PDE3A: variants seen among roughly 807,000 people sequenced by gnomAD.
The protein encoded by PDE3A is cGMP-inhibited 3',5'-cyclic phosphodiesterase 3A.
A neutral mutation model predicts 98.3 loss-of-function variants in PDE3A; 43 were observed. The observed-to-expected ratio is 0.44, with a 90% CI of 0.34 to 0.56. The LOEUF (loss-of-function observed/expected upper bound fraction) is 0.56, where lower values mean the gene tolerates loss of function less well. PDE3A is among the 20% of genes least tolerant of loss of function. The probability of loss-of-function intolerance (pLI) is 0.01; values close to 1 mark genes in which losing one functional copy is unlikely to be tolerated. For missense variants in PDE3A, 1,427 were observed against 1,440.7 expected, an observed-to-expected ratio of 0.99 and a Z score of 0.15; for synonymous variants, 663 against 567.9, an observed-to-expected ratio of 1.17 and a Z score of -2.38.
At chr12:20,478,778 G>A (rs573551197) in intron 1 of PDE3A, among the ~76,000 whole-genome samples, 4 of 152,190 alleles carry the variant, frequency 2.6e-5, no homozygotes, top group African/African-American at 9.6e-5. Context: ...TATTTTATGG[G>A]CTGTATTTCA....
intron 2 of PDE3A, among the ~76,000 whole-genome samples, chr12:20,578,481 A>G (rs893600038): frequency 1.1e-4 from 7 of 61,616 alleles, no homozygotes; most frequent in Admixed American, 1.0e-3. Context: ...TAATACACAC[A>G]CACACACACA....
intron 1 of PDE3A, among the ~76,000 whole-genome samples, chr12:20,403,423 G>GTCTTATTTA (rs1020860252): frequency 7.2e-5 from 11 of 152,228 alleles, no homozygotes; most frequent in Admixed American, 7.2e-4. Context: ...CAGGTTAATA[G>GTCTTATTTA]TCTTATTTAT....
At chr12:20,538,015 GA>G (rs1363818829) in intron 1 of PDE3A, among the ~76,000 whole-genome samples, 1 of 152,114 alleles carries the variant, frequency 6.6e-6, no homozygotes, top group Admixed American at 6.6e-5. Context: ...ACGCATAATA[GA>G]AATTGGGTCT....
At chr12:20,513,668 A>G (rs573638196) in intron 1 of PDE3A, among the ~76,000 whole-genome samples, 1 of 152,236 alleles carries the variant, frequency 6.6e-6, no homozygotes, top group Admixed American at 6.5e-5. Context: ...TGACCTTTTC[A>G]TCAGTGTCCT....
At chr12:20,667,310 T>C (rs1416255822) in intron 15 of PDE3A, among the ~76,000 whole-genome samples, 2 of 152,208 alleles carry the variant, frequency 1.3e-5, no homozygotes, top group Non-Finnish European at 2.9e-5. Context: ...TTGTTTTTGT[T>C]GCCTGGGTTT....
intron 1 of PDE3A, among the ~76,000 whole-genome samples, chr12:20,450,676 A>T (rs1945047781): frequency 6.6e-6 from 1 of 152,274 alleles, no homozygotes. Flanking sequence ...TAGAAGGAGT[A>T]GTTCAAGTTG....
intron 1 of PDE3A, among the ~76,000 whole-genome samples, chr12:20,435,609 G>A (rs548342898): frequency 6.6e-5 from 10 of 152,238 alleles, no homozygotes; most frequent in African/African-American, 2.4e-4. Flanking sequence ...TATGGTTCCT[G>A]GATCTAATTC....
chr12:20,383,952 A>C (rs1943702889), intron 1 of PDE3A, among the ~76,000 whole-genome samples: 1 of 151,952 alleles, frequency 6.6e-6, no homozygotes, highest in Admixed American at 6.6e-5. Context: ...AAACCAATTA[A>C]GATTGTTGCA....
chr12:20,655,852 G>T (rs1945030842), intron 15 of PDE3A, among the ~76,000 whole-genome samples: 1 of 152,164 alleles, frequency 6.6e-6, no homozygotes, highest in Non-Finnish European at 1.5e-5. Flanking sequence ...GGAGACCATT[G>T]AAATTATCCA....
rs532878265 is a variant in PDE3A at position 20,685,474 on chromosome 12, A to G, written c.*5203A>G. Among the ~76,000 whole-genome samples, 2 of 152,094 alleles carry G rather than the reference A, an allele frequency of 1.3e-5. No individual in the cohort carries two copies. The highest frequency in any genetic ancestry group is 3.9e-4 in the East Asian group (2 of 5,178). On this transcript the variant is annotated 3_prime_UTR_variant, in exon 16 of 16. Coordinates refer to ENST00000359062, the MANE Select transcript of PDE3A (RefSeq NM_000921.5). The stretch of plus-strand genomic sequence containing the variant: ...AATATGAAGACACGAAACTGAAGAT[A>G]AAGGCTTCATTTCCATAGTGGAAAT...
At chr12:20,474,644 T>TCATTCCTTG (rs761550871) in intron 1 of PDE3A, among the ~76,000 whole-genome samples, 34 of 152,278 alleles carry the variant, frequency 2.2e-4, no homozygotes, top group Admixed American at 1.8e-3. Flanking sequence ...TTCTAGAGCT[T>TCATTCCTTG]CATTCCTTGC....
chr12:20,383,545 C>T (rs1000948192), intron 1 of PDE3A, among the ~76,000 whole-genome samples: 2 of 152,004 alleles, frequency 1.3e-5, no homozygotes, highest in African/African-American at 4.8e-5. Context: ...CCTCAGACCA[C>T]TCTTCTTCCA....
At chr12:20,575,777 C>T (rs750813849) in intron 2 of PDE3A, among the ~76,000 whole-genome samples, 1 of 151,456 alleles carries the variant, frequency 6.6e-6, no homozygotes, top group Non-Finnish European at 1.5e-5. Context: ...TTTTTAAGCT[C>T]AAAGTTCTTG....
chr12:20,661,633 G>T (rs1480290285), intron 15 of PDE3A, among the ~76,000 whole-genome samples: 1 of 152,196 alleles, frequency 6.6e-6, no homozygotes. Context: ...TACAGCTTGG[G>T]CTGTTGCTTG....
chr12:20,556,627 T>G, intron 1 of PDE3A, 33 bp from the exon 2 acceptor site: 1 of 1,388,612 alleles, frequency 7.2e-7, no homozygotes, highest in East Asian at 2.3e-5. Flanking sequence ...GGTAAAATAA[T>G]CATTTAACTT....
intron 1 of PDE3A, among the ~76,000 whole-genome samples, chr12:20,545,055 A>G (rs1398076946): frequency 1.3e-5 from 2 of 152,072 alleles, no homozygotes; most frequent in Non-Finnish European, 2.9e-5. Flanking sequence ...CTCACAGGAA[A>G]ACTTAAGCAT....
chr12:20,624,626 T>C (rs1944215083), intron 5 of PDE3A, among the ~76,000 whole-genome samples: 1 of 152,176 alleles, frequency 6.6e-6, no homozygotes, highest in Admixed American at 6.5e-5. Flanking sequence ...GTGGCATCTT[T>C]AGACAGCTGT....
chr12:20,561,493 G>T (rs2121285874), intron 2 of PDE3A, among the ~76,000 whole-genome samples: 1 of 152,258 alleles, frequency 6.6e-6, no homozygotes, highest in East Asian at 1.9e-4. Flanking sequence ...TCAGATGTGA[G>T]TGTGCTAGCC....
intron 1 of PDE3A, among the ~76,000 whole-genome samples, chr12:20,516,540 A>G (rs1475193658): frequency 6.6e-6 from 1 of 152,162 alleles, no homozygotes; most frequent in Non-Finnish European, 1.5e-5. Flanking sequence ...TGAAGCCTCA[A>G]TGTCTTTGGT....
Sources: gnomAD v4.1 joint callset for allele counts (sites outside exome capture counted in the v4.1 genomes callset) on GRCh38, gnomAD v4.1.1 for gene constraint, MANE v1.5 for transcripts, NCBI Gene and HGNC (gene_info 2026-07-23, HGNC 2026-07-21) for gene names.